PDE3A: variants seen among roughly 807,000 people sequenced by gnomAD.
PDE3A encodes cGMP-inhibited 3',5'-cyclic phosphodiesterase 3A.
A neutral mutation model predicts 98.3 loss-of-function variants in PDE3A; 43 were observed. That is an observed-to-expected ratio of 0.44 (90% CI 0.34 to 0.56). The LOEUF (loss-of-function observed/expected upper bound fraction) is 0.56, where lower values mean the gene tolerates loss of function less well. PDE3A is among the 20% of genes least tolerant of loss of function. The pLI is 0.01. For synonymous variants in PDE3A, 663 were observed against 567.9 expected (o/e 1.17, Z -2.38); for missense variants, 1,427 against 1,440.7 (o/e 0.99, Z 0.15).
chr12:20,496,589 C>T (rs909174662), intron 1 of PDE3A, among the ~76,000 whole-genome samples: 3 of 151,550 alleles, frequency 2.0e-5, no homozygotes, highest in South Asian at 4.2e-4. Context: ...CTTTTGGGAT[C>T]CATACTAAGA....
intron 1 of PDE3A, among the ~76,000 whole-genome samples, chr12:20,411,994 C>T (rs932179885): frequency 4.6e-5 from 7 of 152,098 alleles, no homozygotes; most frequent in African/African-American, 1.7e-4. Context: ...TAATTCCCCT[C>T]AGCCAAAAAT....
At chr12:20,453,746 G>A (rs978477778) in intron 1 of PDE3A, among the ~76,000 whole-genome samples, 1 of 152,132 alleles carries the variant, frequency 6.6e-6, no homozygotes, top group African/African-American at 2.4e-5. Context: ...GTTGCTCCGA[G>A]TCTCCCTTCC....
chr12:20,614,049 T>C (rs1943937493), intron 3 of PDE3A, among the ~76,000 whole-genome samples: 1 of 152,182 alleles, frequency 6.6e-6, no homozygotes, highest in Admixed American at 6.5e-5. Context: ...CCTTGCTCCT[T>C]TCTAGTGCAG....
intron 15 of PDE3A, among the ~76,000 whole-genome samples, chr12:20,671,128 A>T (rs929996450): frequency 4.2e-5 from 6 of 143,840 alleles, no homozygotes; most frequent in Non-Finnish European, 7.5e-5. Flanking sequence ...CGACACATAC[A>T]CTCTCCCAAG....
chr12:20,441,667 G>A (rs1169612207), intron 1 of PDE3A, among the ~76,000 whole-genome samples: 1 of 152,128 alleles, frequency 6.6e-6, no homozygotes, highest in Non-Finnish European at 1.5e-5. Flanking sequence ...GTTGGTATTT[G>A]GTACTACAGG....
At chr12:20,672,101 C>A (rs1380284262) in intron 15 of PDE3A, among the ~76,000 whole-genome samples, 1 of 151,416 alleles carries the variant, frequency 6.6e-6, no homozygotes, top group Non-Finnish European at 1.5e-5. Flanking sequence ...TTCACAATTG[C>A]TTCAAAGAGA....
At chr12:20,371,487 CT>C (rs976344660) in intron 1 of PDE3A, 8 of 977,204 alleles carry the variant, frequency 8.2e-6, no homozygotes, top group Admixed American at 1.2e-4. Context: ...TAAGCTTTTT[CT>C]TTTTAGGTTA....
At chr12:20,651,046 A>G (rs1294013082) in intron 14 of PDE3A, among the ~76,000 whole-genome samples, 1 of 152,202 alleles carries the variant, frequency 6.6e-6, no homozygotes, top group Non-Finnish European at 1.5e-5. Context: ...TGTACATGGA[A>G]TAGTTTATAT....
intron 2 of PDE3A, among the ~76,000 whole-genome samples, chr12:20,559,464 C>G (rs1942456781): frequency 6.6e-6 from 1 of 150,584 alleles, no homozygotes; most frequent in Admixed American, 6.6e-5. Flanking sequence ...ATGGTGAAAC[C>G]CCGTCTCCAC....
intron 15 of PDE3A, among the ~76,000 whole-genome samples, chr12:20,661,414 G>T (rs950838085): frequency 6.6e-6 from 1 of 152,174 alleles, no homozygotes; most frequent in South Asian, 2.1e-4. Flanking sequence ...AAGTAATGAG[G>T]AGCCAACTGT....
In PDE3A at chr12:20,633,888, C is replaced by T. The variant is rs10841580; in HGVS notation, c.1846+110C>T. On this transcript the variant is annotated intron_variant, in intron 7 of 15. Transcript: ENST00000359062. ...TGATATTTTGTGGGGCGCTGGGAGA[C>T]GGGGTCTCATGATGTTGGTCAGGTC... The T allele has an allele frequency of 0.36, 222,589 of 620,998 alleles. 40,492 individuals carry two copies. Among genetic ancestry groups the T allele is most frequent in the East Asian group, 0.41 (13,534 of 33,292 alleles). 38.5% of individuals were successfully genotyped at this position (620,998 alleles called of 1,614,324 possible).
chr12:20,516,021 C>A (rs1946316513), intron 1 of PDE3A, among the ~76,000 whole-genome samples: 1 of 149,396 alleles, frequency 6.7e-6, no homozygotes, highest in Admixed American at 6.7e-5. Flanking sequence ...CGTGAGCCAC[C>A]GCGCCCGGCC....
chr12:20,568,812 C>A (rs984303191), intron 2 of PDE3A, among the ~76,000 whole-genome samples: 1 of 151,756 alleles, frequency 6.6e-6, no homozygotes, highest in South Asian at 2.1e-4. Flanking sequence ...CTATGTTTGA[C>A]CTTTTGGGAA....
At chr12:20,614,228 T>G (rs554251076) in intron 3 of PDE3A, among the ~76,000 whole-genome samples, 1 of 152,300 alleles carries the variant, frequency 6.6e-6, no homozygotes, top group East Asian at 1.9e-4. Flanking sequence ...CTTAGTGATT[T>G]CTATAAATAT....
At chr12:20,652,691 T>C (rs1944949147) in intron 14 of PDE3A, among the ~76,000 whole-genome samples, 1 of 152,158 alleles carries the variant, frequency 6.6e-6, no homozygotes, top group African/African-American at 2.4e-5. Flanking sequence ...ATGAGTAGGT[T>C]GCAAAAATTT....
At chr12:20,618,938 T>C (rs969335442) in intron 4 of PDE3A, among the ~76,000 whole-genome samples, 2 of 152,158 alleles carry the variant, frequency 1.3e-5, no homozygotes, top group Middle Eastern at 3.4e-3. Context: ...GGGAAGAAGA[T>C]TGAGATCTTC....
Position 20,685,409 on chromosome 12 carries a change from C to CAAAAAAAA in PDE3A, c.*5154_*5161dup, listed in dbSNP as rs71442269. On this transcript the variant is annotated 3_prime_UTR_variant, in exon 16 of 16. Transcript: ENST00000359062. ...GGGCAACAGGAGTTAAATTTTGCCT[C>CAAAAAAAA]AAAAAAAAAAAAAAAAAAAAAAAGA... 1.2e-4 allele frequency among the ~76,000 whole-genome samples: 9 copies of CAAAAAAAA among 73,780 alleles called. No individual in the cohort carries two copies. The highest frequency in any genetic ancestry group is 2.4e-4 in the African/African-American group (4 of 16,570). The allele number at this position is 73,780 out of a possible 152,430, so 48.4% of individuals were successfully genotyped here.
At chr12:20,392,466 A>G (rs1943934835) in intron 1 of PDE3A, among the ~76,000 whole-genome samples, 1 of 151,934 alleles carries the variant, frequency 6.6e-6, no homozygotes, top group Admixed American at 6.6e-5. Context: ...TGAGCCCAGT[A>G]GCTCAAGATC....
chr12:20,453,208 G>C lies in PDE3A; in HGVS notation c.960+82964G>C, dbSNP rs562570955. Among the ~76,000 whole-genome samples, 657 of 132,116 alleles carry C rather than the reference G, an allele frequency of 5.0e-3. 2 individuals carry two copies. Among genetic ancestry groups the C allele is most frequent in the Non-Finnish European group, 8.2e-3 (530 of 64,638 alleles). 86.7% of individuals were successfully genotyped at this position (132,116 alleles called of 152,430 possible). ...TTTTTTTTTGAGACTGAGTCCCACT[G>C]TGTCGCCCAGGCTGGAGTGCAGTGG... On this transcript the variant is annotated intron_variant, in intron 1 of 15. Coordinates refer to ENST00000359062, the MANE Select transcript of PDE3A (RefSeq NM_000921.5).
Sources: allele counts gnomAD v4.1 joint callset (sites outside exome capture counted in the v4.1 genomes callset), GRCh38; gene constraint gnomAD v4.1.1; transcripts MANE v1.5; gene names NCBI Gene and HGNC (gene_info 2026-07-23, HGNC 2026-07-21).